The following PLD5 variants were observed in gnomAD, a reference collection of about 807,000 sequenced individuals.
The protein encoded by PLD5 is phospholipase D family member 5.
A neutral mutation model predicts 61.1 loss-of-function variants in PLD5; 36 were observed. The observed-to-expected ratio is 0.59, with a 90% confidence interval of 0.45 to 0.78. The LOEUF (loss-of-function observed/expected upper bound fraction) is 0.78, where lower values mean the gene tolerates loss of function less well. Among genes scored for constraint, PLD5 ranks in the 30% least tolerant of loss-of-function variants. The pLI is 0.00. For missense variants in PLD5, 515 were observed against 644.4 expected (o/e 0.80, Z 2.17); for synonymous variants, 243 against 242.8 (o/e 1.00, Z -0.01).
intron 2 of PLD5, among the ~76,000 whole-genome samples, chr1:242,315,391 G>C (rs1008430479): frequency 1.3e-5 from 2 of 152,254 alleles, no homozygotes; most frequent in South Asian, 2.1e-4. Flanking sequence ...GATATATTTA[G>C]TGTGTCAACA....
At chr1:242,481,911 T>C (rs930502644) in intron 1 of PLD5, among the ~76,000 whole-genome samples, 6 of 152,198 alleles carry the variant, frequency 3.9e-5, no homozygotes. Flanking sequence ...CAGTATCCAC[T>C]GTTCTGCAGC....
intron 5 of PLD5, among the ~76,000 whole-genome samples, chr1:242,135,494 T>C (rs528511954): frequency 3.3e-4 from 51 of 152,310 alleles, no homozygotes; most frequent in African/African-American, 1.2e-3. Context: ...AGATTTCCCT[T>C]CCTTCTCTTT....
intron 2 of PLD5, among the ~76,000 whole-genome samples, chr1:242,306,489 T>A (rs1274444984): frequency 6.6e-6 from 1 of 151,934 alleles, no homozygotes; most frequent in Non-Finnish European, 1.5e-5. Context: ...GGATGAGAGA[T>A]CAAGTTGTGA....
intron 1 of PLD5, among the ~76,000 whole-genome samples, chr1:242,514,246 C>CTTA (rs1318097878): frequency 6.6e-6 from 1 of 152,170 alleles, no homozygotes; most frequent in African/African-American, 2.4e-5. Context: ...CTTGTTAAGT[C>CTTA]ACTGCTCTCC....
intron 2 of PLD5, among the ~76,000 whole-genome samples, chr1:242,306,236 C>A (rs1425850230): frequency 7.3e-6 from 1 of 136,654 alleles, no homozygotes; most frequent in South Asian, 2.6e-4. Flanking sequence ...AGACTGAATT[C>A]CTGCCAGTCA....
intron 5 of PLD5, among the ~76,000 whole-genome samples, chr1:242,163,237 G>A (rs538648909): frequency 5.1e-4 from 75 of 147,658 alleles, no homozygotes; most frequent in African/African-American, 1.1e-3. Flanking sequence ...TCCGCCTCCC[G>A]GGTTCATGCC....
chr1:242,174,850 G>A (rs1349151689), intron 5 of PLD5, among the ~76,000 whole-genome samples: 1 of 152,066 alleles, frequency 6.6e-6, no homozygotes, highest in Non-Finnish European at 1.5e-5. Context: ...ACTGAACAAT[G>A]AGAACACCTG....
At chr1:242,361,867 G>A (rs1328671543) in intron 1 of PLD5, among the ~76,000 whole-genome samples, 1 of 152,038 alleles carries the variant, frequency 6.6e-6, no homozygotes, top group East Asian at 1.9e-4. Context: ...GGGTGTGGTG[G>A]CTCATGCCTG....
chr1:242,355,102 G>A (rs147944708), intron 1 of PLD5, among the ~76,000 whole-genome samples: 4,130 of 152,040 alleles, frequency 0.027, 80 homozygotes, highest in East Asian at 0.13. Flanking sequence ...TGATGTCCTT[G>A]TCTGGCTTTA....
At chr1:242,239,095 G>C (rs1463777049) in intron 4 of PLD5, among the ~76,000 whole-genome samples, 1 of 152,124 alleles carries the variant, frequency 6.6e-6, no homozygotes, top group African/African-American at 2.4e-5. Context: ...ATCTTTCTTT[G>C]TACTGTAGTC....
chr1:242,318,311 A>G (rs1477240296), intron 2 of PLD5, among the ~76,000 whole-genome samples: 1 of 152,146 alleles, frequency 6.6e-6, no homozygotes, highest in African/African-American at 2.4e-5. Flanking sequence ...CAGCACCCTG[A>G]GTCCCGCCGT....
intron 3 of PLD5, among the ~76,000 whole-genome samples, chr1:242,286,944 G>A (rs1675060412): frequency 6.6e-6 from 1 of 152,168 alleles, no homozygotes; most frequent in African/African-American, 2.4e-5. Context: ...TATGGCCAGA[G>A]AATGGGCTGT....
At chr1:242,476,333 C>T (rs1667595406) in intron 1 of PLD5, among the ~76,000 whole-genome samples, 1 of 149,992 alleles carries the variant, frequency 6.7e-6, no homozygotes, top group Non-Finnish European at 1.5e-5. Flanking sequence ...CCAGCCTGGG[C>T]GATGAGAGTG....
At chr1:242,241,979 T>C (rs1199709803) in intron 4 of PLD5, among the ~76,000 whole-genome samples, 1 of 70,360 alleles carries the variant, frequency 1.4e-5, no homozygotes. Flanking sequence ...AAATATATAC[T>C]ATATATACTT....
chr1:242,527,114 C>CTTTTTTTTTTTTTTTTTTTTTTTTT (rs530334746), upstream of PLD5, among the ~76,000 whole-genome samples: 5 of 71,980 alleles, frequency 6.9e-5, no homozygotes, highest in Admixed American at 1.9e-4. Context: ...CTATCTCCTT[C>CTTTTTTTTTTTTTTTTTTTTTTTTT]TTTTTTTTTT....
Position 242,256,882 on chromosome 1 carries a change from C to CTT in PLD5, c.607+8454_607+8455insAA, listed in dbSNP as rs1673072942. Among the ~76,000 whole-genome samples, 1 of 129,912 alleles carries CTT rather than the reference C, an allele frequency of 7.7e-6. No individual in the cohort carries two copies. Among genetic ancestry groups the CTT allele is most frequent in the South Asian group, 2.5e-4 (1 of 3,932 alleles). 85.2% of individuals were successfully genotyped at this position (129,912 alleles called of 152,430 possible). ...TATCTTCCTATCTTCTTTCTTTTCTCTCCCTCTTCTTTCTCTTTCTTTTTT... is the reference window on the plus strand; with the variant it reads ...TATCTTCCTATCTTCTTTCTTTTCTCTTTCCCTCTTCTTTCTCTTTCTTTTTT... On this transcript the variant is annotated intron_variant, in intron 4 of 9. Coordinates refer to ENST00000536534, the MANE Select transcript of PLD5 (RefSeq NM_001372062.1). The surrounding 1 kb of genome is among the most constrained non-coding windows in gnomAD (Gnocchi z 5.7).
intron 5 of PLD5, among the ~76,000 whole-genome samples, chr1:242,189,252 C>T (rs974465880): frequency 4.6e-5 from 7 of 152,026 alleles, no homozygotes; most frequent in African/African-American, 1.7e-4. Flanking sequence ...TGAGACCAGC[C>T]TGGCCAACAT....
At chr1:242,423,473 C>T (rs1309763159) in intron 1 of PLD5, among the ~76,000 whole-genome samples, 1 of 152,144 alleles carries the variant, frequency 6.6e-6, no homozygotes, top group Non-Finnish European at 1.5e-5. Flanking sequence ...TACTCAGACA[C>T]TGGTGACCTG....
In PLD5 at chr1:242,241,877, A is replaced by C. The variant is rs1330030030; in HGVS notation, c.608-21762T>G. On this transcript the variant is annotated intron_variant, in intron 4 of 9. Coordinates refer to ENST00000536534, the MANE Select transcript of PLD5 (RefSeq NM_001372062.1). ...AGAACTTGCTTTACTTACTATATAT[A>C]TATATATATATATATATATATATAT... Among the ~76,000 whole-genome samples, 179 of 18,910 alleles carry C rather than the reference A, an allele frequency of 9.5e-3. 1 individual carries two copies. The highest frequency in any genetic ancestry group is 0.034 in the African/African-American group (176 of 5,248). The allele number at this position is 18,910 out of a possible 152,430, so 12.4% of individuals were successfully genotyped here.
Sources: gnomAD v4.1 joint callset for allele counts (sites outside exome capture counted in the v4.1 genomes callset) on GRCh38, gnomAD v4.1.1 for gene constraint, Gnocchi (gnomAD v3.1) non-coding constraint, MANE v1.5 for transcripts, NCBI Gene and HGNC (gene_info 2026-07-23, HGNC 2026-07-21) for gene names.